PLD5: variants seen among roughly 807,000 people sequenced by gnomAD.
PLD5 encodes the protein phospholipase D family member 5, also known as inactive phospholipase D5.
A neutral mutation model predicts 61.1 loss-of-function variants in PLD5; 36 were observed. The observed-to-expected ratio is 0.59, with a 90% CI of 0.45 to 0.78. PLD5 has a LOEUF of 0.78. Among genes scored for constraint, PLD5 ranks in the 30% least tolerant of loss-of-function variants. The pLI, the probability that PLD5 is intolerant of heterozygous loss-of-function variation, is 0.00. For synonymous variants in PLD5, 243 were observed against 242.8 expected, an observed-to-expected ratio of 1.00 and a Z score of -0.01; for missense variants, 515 against 644.4, an observed-to-expected ratio of 0.80 and a Z score of 2.17.
At position 242,393,570 on chromosome 1, in the gene PLD5, GTA is replaced by G. The variant is rs1432218072; in HGVS notation, c.190-45330_190-45329del. On this transcript the variant is annotated intron_variant, in intron 1 of 9. Coordinates refer to ENST00000536534, the MANE Select transcript of PLD5 (RefSeq NM_001372062.1). ...TGTGTATATATATGAGTATATATGT[GTA>G]TATATATGAGTATACATATGTGTAT... is the stretch of plus-strand genomic sequence containing the variant. Among the ~76,000 whole-genome samples the G allele has an allele frequency of 2.3e-4, 21 of 93,194 alleles. 4 individuals are homozygous for G. The highest frequency in any genetic ancestry group is 1.4e-3 in the East Asian group (5 of 3,544). The allele number at this position is 93,194 out of a possible 152,430, so 61.1% of individuals were successfully genotyped here. A position where few individuals can be genotyped will look rare whatever the true frequency, so the allele number is the denominator to read the frequency against.
intron 3 of PLD5, among the ~76,000 whole-genome samples, chr1:242,277,435 C>A (rs183230948): frequency 7.9e-6 from 1 of 127,260 alleles, no homozygotes; most frequent in Admixed American, 8.6e-5. Context: ...GATACCCTAT[C>A]CTTACATTTT....
chr1:242,102,807 T>C (rs1473005187), intron 8 of PLD5, among the ~76,000 whole-genome samples: 2 of 152,182 alleles, frequency 1.3e-5, no homozygotes, highest in Admixed American at 1.3e-4. Context: ...ATGGCCTCTG[T>C]TTTATAAAAT....
intron 5 of PLD5, chr1:242,209,336 G>A (rs1289014293): frequency 2.0e-5 from 3 of 152,212 alleles, no homozygotes; most frequent in African/African-American, 2.4e-5. Context: ...CTGACGCGAG[G>A]TGAGGAACAT....
intron 2 of PLD5, among the ~76,000 whole-genome samples, chr1:242,306,821 G>A: frequency 6.6e-6 from 1 of 151,114 alleles, no homozygotes; most frequent in Non-Finnish European, 1.5e-5. Context: ...CTCTTTGTAG[G>A]TACAGGTGCT....
At chr1:242,219,515 C>T (rs893210678) in intron 5 of PLD5, among the ~76,000 whole-genome samples, 2 of 152,122 alleles carry the variant, frequency 1.3e-5, no homozygotes, top group African/African-American at 4.8e-5. Context: ...CATAAAAATC[C>T]TAAGTGTGTG....
In PLD5 at chr1:242,124,602, A is replaced by G; in HGVS notation, c.799T>C (p.Phe267Leu). The G allele has an allele frequency of 6.2e-7, 1 of 1,613,988 alleles. No individual in the cohort carries two copies. The highest frequency in any genetic ancestry group is 8.5e-7 in the Non-Finnish European group (1 of 1,179,894). Residue 267 changes from phenylalanine to leucine, a missense_variant, in exon 6 of 10, where the codon TTT (phenylalanine) becomes CTT (leucine). Phe to Leu is a conservative substitution (Grantham distance 22). Around this residue, in one of 2 missense-constraint regions of PLD5, gnomAD observed 450 missense variants for 598.1 expected, o/e 0.75. Coordinates refer to ENST00000536534, the MANE Select transcript of PLD5 (RefSeq NM_001372062.1). ...AATTTTAATGAACTATATAGAGCAA[A>G]TATCCTTTGTAAATCTAGGACCAGG... is the stretch of plus-strand genomic sequence containing the variant. ...SCLVLDLQRI[F>L]ALYSSLKFKS...
Position 242,265,422 on chromosome 1 carries a change from G to A in PLD5, c.522C>T (p.Leu174=). Reference sequence around the variant, plus strand: ...TTTCAATATTTTGCGAAGTCAGCTGGAGCAACTTTTCAAAAAGACGTTGAC... The same window carrying A: ...TTTCAATATTTTGCGAAGTCAGCTGAAGCAACTTTTCAAAAAGACGTTGAC... ...CQGQRLFEKL[L]QLTSQNIEIK... The change falls in exon 4 of 10, where the codon CTC becomes CTT. Residue 174 remains leucine, a synonymous_variant. Transcript: ENST00000536534. 2 of 1,611,010 alleles carry A rather than the reference G, an allele frequency of 1.2e-6. No homozygotes were observed. Among genetic ancestry groups the A allele is most frequent in the Non-Finnish European group, 1.7e-6 (2 of 1,178,490 alleles).
chr1:242,457,386 A>G (rs1185678430), intron 1 of PLD5, among the ~76,000 whole-genome samples: 1 of 152,178 alleles, frequency 6.6e-6, no homozygotes, highest in African/African-American at 2.4e-5. Context: ...AATATTCCTA[A>G]ATCTAGTTCT....
intron 1 of PLD5, among the ~76,000 whole-genome samples, chr1:242,394,949 T>TTATATATGAATATATAAATATATATGAA (rs1663400621): frequency 8.9e-5 from 6 of 67,202 alleles, no homozygotes; most frequent in South Asian, 5.5e-4. Flanking sequence ...ATATATATGA[T>TTATATATGAATATATAAATATATATGAA]TATATATGAA....
chr1:242,487,024 A>G (rs1667986572), intron 1 of PLD5, among the ~76,000 whole-genome samples: 1 of 151,916 alleles, frequency 6.6e-6, no homozygotes, highest in Admixed American at 6.6e-5. Context: ...GAACACATGG[A>G]CACCGGAAGG....
At chr1:242,246,366 C>CAATA (rs983958319) in intron 4 of PLD5, among the ~76,000 whole-genome samples, 11 of 151,992 alleles carry the variant, frequency 7.2e-5, no homozygotes, top group Non-Finnish European at 1.3e-4. Context: ...ACCCTGTCTC[C>CAATA]AATAAATAAA....
At chr1:242,436,118 C>T (rs546320595) in intron 1 of PLD5, among the ~76,000 whole-genome samples, 13 of 152,166 alleles carry the variant, frequency 8.5e-5, no homozygotes, top group East Asian at 5.8e-4. Context: ...TTTCTGTTCA[C>T]GGTAGTAATG....
chr1:242,286,658 T>C lies in PLD5; in HGVS notation c.495+1704A>G, dbSNP rs566737410. Among the ~76,000 whole-genome samples the C allele has an allele frequency of 7.2e-5, 11 of 152,334 alleles. No individual in the cohort carries two copies. The South Asian group carries it at 2.3e-3, about 32-fold the overall frequency. Reference sequence around the variant, plus strand: ...CTCCTCAAATTTATCATTCTTTGTCTAAAAAGTATAAAAACATCTTACTTT... The same window carrying C: ...CTCCTCAAATTTATCATTCTTTGTCCAAAAAGTATAAAAACATCTTACTTT... On this transcript the variant is annotated intron_variant, in intron 3 of 9. Transcript: ENST00000536534.
At chr1:242,217,019 T>C (rs1294491178) in intron 5 of PLD5, among the ~76,000 whole-genome samples, 5 of 152,226 alleles carry the variant, frequency 3.3e-5, no homozygotes, top group African/African-American at 7.2e-5. Flanking sequence ...ACAGCATGGC[T>C]TACTGAATAT....
At position 242,506,306 on chromosome 1, in the gene PLD5, G is replaced by A. The variant is rs997186219; in HGVS notation, c.189+17782C>T. The stretch of plus-strand genomic sequence containing the variant: ...TATTATCTGTTCTCTAGTTGGAGGC[G>A]CCTGGGTGTAAGGACAATTGGGCTG... On this transcript the variant is annotated intron_variant, in intron 1 of 9. Transcript: ENST00000536534. Among the ~76,000 whole-genome samples, 3 of 152,206 alleles carry A rather than the reference G, an allele frequency of 2.0e-5. No homozygotes were observed. In the South Asian group the frequency reaches 6.2e-4, roughly 32 times the overall value.
intron 5 of PLD5, among the ~76,000 whole-genome samples, chr1:242,141,575 A>C (rs1040724271): frequency 1.3e-5 from 2 of 152,114 alleles, no homozygotes; most frequent in African/African-American, 4.8e-5. Flanking sequence ...TATTCCCTAA[A>C]GAGGATATTT....
At chr1:242,453,356 T>G (rs559140501) in intron 1 of PLD5, among the ~76,000 whole-genome samples, 2 of 152,240 alleles carry the variant, frequency 1.3e-5, no homozygotes, top group African/African-American at 4.8e-5. Flanking sequence ...CTACCTAGTT[T>G]ATGGTCATTT....
intron 1 of PLD5, among the ~76,000 whole-genome samples, chr1:242,453,698 T>C (rs896459038): frequency 6.6e-6 from 1 of 152,164 alleles, no homozygotes; most frequent in East Asian, 1.9e-4. Flanking sequence ...AGGGCTCCCC[T>C]TTAGGATAGA....
At chr1:242,384,707 T>G (rs1572027263) in intron 1 of PLD5, among the ~76,000 whole-genome samples, 1 of 152,196 alleles carries the variant, frequency 6.6e-6, no homozygotes, top group East Asian at 1.9e-4. Flanking sequence ...GATAGCCAGT[T>G]CTCTTGGTGT....
Sources: allele counts gnomAD v4.1 joint callset (sites outside exome capture counted in the v4.1 genomes callset), GRCh38; gene constraint gnomAD v4.1.1; regional missense constraint gnomAD v4.1.1; transcripts MANE v1.5; gene names NCBI Gene and HGNC (gene_info 2026-07-23, HGNC 2026-07-21).